Variants in EIF2B3 observed in about 807,000 individuals in gnomAD.
EIF2B3 encodes eukaryotic translation initiation factor 2B subunit gamma.
A neutral mutation model predicts 54.1 loss-of-function variants in EIF2B3; 20 were observed. That is an observed-to-expected ratio of 0.37 (90% CI 0.26 to 0.54). The LOEUF (loss-of-function observed/expected upper bound fraction) is 0.54, where lower values mean the gene tolerates loss of function less well. Ranked by LOEUF, EIF2B3 falls within the 20% of genes least tolerant of loss-of-function variation. The pLI is 0.86. For synonymous variants in EIF2B3, 153 were observed against 188.1 expected (o/e 0.81, Z 1.52); for missense variants, 448 against 547.8 (o/e 0.82, Z 1.82).
At chr1:44,871,733 G>A (rs1166631205) in intron 10 of EIF2B3, among the ~76,000 whole-genome samples, 1 of 151,996 alleles carries the variant, frequency 6.6e-6, no homozygotes, top group African/African-American at 2.4e-5. Context: ...AATGAAACAG[G>A]TTGATGTGAT....
chr1:44,934,440 T>C (rs1488060727), intron 4 of EIF2B3, among the ~76,000 whole-genome samples: 1 of 152,128 alleles, frequency 6.6e-6, no homozygotes, highest in East Asian at 1.9e-4. Context: ...TTTGAGTATG[T>C]AGGAATTTCA....
intron 5 of EIF2B3, among the ~76,000 whole-genome samples, chr1:44,922,836 ATTTTTT>A (rs386366852): frequency 1.9e-4 from 11 of 56,642 alleles, no homozygotes; most frequent in African/African-American, 3.4e-4. Flanking sequence ...TCTTTTTCAG[ATTTTTT>A]TTTTTTTTTT....
At chr1:44,912,631 G>A (rs755167579) in intron 5 of EIF2B3, among the ~76,000 whole-genome samples, 1 of 151,936 alleles carries the variant, frequency 6.6e-6, no homozygotes, top group Non-Finnish European at 1.5e-5. Context: ...TTCCATATCC[G>A]GACCAAATCA....
At chr1:44,942,417 ATTTTTTTTTTTTTTTTTT>A (rs34978668) in intron 3 of EIF2B3, among the ~76,000 whole-genome samples, 8 of 5,190 alleles carry the variant, frequency 1.5e-3, no homozygotes, top group African/African-American at 7.2e-3. Context: ...ATATATATAT[ATTTTTTTTTTTTTTTTTT>A]TTTTTTTTTC....
intron 5 of EIF2B3, among the ~76,000 whole-genome samples, chr1:44,916,597 G>A (rs1643627796): frequency 6.8e-6 from 1 of 147,898 alleles, no homozygotes. Context: ...AAGGTGGGAG[G>A]ATCACTTGAG....
At chr1:44,888,234 C>T (rs955791064) in intron 6 of EIF2B3, among the ~76,000 whole-genome samples, 2 of 151,132 alleles carry the variant, frequency 1.3e-5, no homozygotes, top group African/African-American at 4.8e-5. Flanking sequence ...TATTTTGCTA[C>T]GTCCAGAATG....
chr1:44,857,769 A>G lies in EIF2B3; in HGVS notation c.1241T>C (p.Val414Ala). 6.2e-7 allele frequency: 1 copy of G among 1,614,128 alleles called. No homozygotes were observed. The highest frequency in any genetic ancestry group is 1.1e-5 in the South Asian group (1 of 91,086). ...CTTGATGTCTGCACCCTTCTCGATC[A>G]CAGCATTGTTGCAGATGACACTGCC... Reference protein sequence around the residue: ...IQGSVICNNAVIEKGADIKDC... With the variant: ...IQGSVICNNAAIEKGADIKDC... The change falls in exon 11 of 12, where the codon GTG becomes GCG. Residue 414 changes from valine to alanine, a missense_variant. Around this residue, in one of 3 missense-constraint regions of EIF2B3, gnomAD observed 350 missense variants for 414.2 expected, o/e 0.85. Transcript: ENST00000360403.
intron 3 of EIF2B3, chr1:44,958,857 C>T (rs1644255236): frequency 1.1e-6 from 1 of 894,700 alleles, no homozygotes; most frequent in Non-Finnish European, 1.9e-6. Context: ...ATATCAGGTA[C>T]ATCAGGAACA....
rs181563285 is a variant in EIF2B3 at position 44,887,889 on chromosome 1, C to T, written c.657-6150G>A. On this transcript the variant is annotated intron_variant, in intron 6 of 11. Coordinates refer to ENST00000360403, the MANE Select transcript of EIF2B3 (RefSeq NM_020365.5). ...TTCCAGCCTGGGCGACAGAGCCAGACTCTGTCTCCCCCCAAAAAAAAAGAC... is the reference window on the plus strand; with the variant it reads ...TTCCAGCCTGGGCGACAGAGCCAGATTCTGTCTCCCCCCAAAAAAAAAGAC... Among the ~76,000 whole-genome samples the T allele has an allele frequency of 1.0e-3, 159 of 152,176 alleles. 1 individual carries two copies. Among genetic ancestry groups the T allele is most frequent in the African/African-American group, 3.5e-3 (144 of 41,530 alleles).
chr1:44,877,255 A>G (rs1248223352), intron 8 of EIF2B3, among the ~76,000 whole-genome samples: 1 of 149,944 alleles, frequency 6.7e-6, no homozygotes, highest in African/African-American at 2.5e-5. Flanking sequence ...TCAATCAGAG[A>G]TACAGGGAGT....
chr1:44,877,225 C>T (rs1260018000), intron 8 of EIF2B3, among the ~76,000 whole-genome samples: 1 of 72,146 alleles, frequency 1.4e-5, no homozygotes, highest in African/African-American at 6.6e-5. Flanking sequence ...AAAAAAAACA[C>T]CTTAGGTAGA....
intron 1 of EIF2B3, among the ~76,000 whole-genome samples, chr1:44,981,634 T>G (rs1300757970): frequency 6.6e-6 from 1 of 152,138 alleles, no homozygotes; most frequent in Non-Finnish European, 1.5e-5. Context: ...TGTGTGAATT[T>G]TTATTCTTTG....
intron 6 of EIF2B3, among the ~76,000 whole-genome samples, chr1:44,887,105 C>G (rs1429102542): frequency 2.6e-5 from 4 of 152,144 alleles, no homozygotes; most frequent in African/African-American, 4.8e-5. Flanking sequence ...GTGTTTTGAG[C>G]TGTCCAAGTT....
chr1:44,980,476 C>CAA (rs879512331), intron 2 of EIF2B3, among the ~76,000 whole-genome samples: 1 of 145,558 alleles, frequency 6.9e-6, no homozygotes, highest in Non-Finnish European at 1.5e-5. Flanking sequence ...GACTCTGTCT[C>CAA]AAAAAAAAAA....
intron 3 of EIF2B3, among the ~76,000 whole-genome samples, chr1:44,959,665 C>T (rs1644264428): frequency 6.6e-6 from 1 of 152,182 alleles, no homozygotes; most frequent in South Asian, 2.1e-4. Context: ...TTTTAAGTCT[C>T]TGAAGTTGTC....
intron 10 of EIF2B3, among the ~76,000 whole-genome samples, chr1:44,872,619 C>T (rs1655001313): frequency 6.6e-6 from 1 of 152,016 alleles, no homozygotes; most frequent in East Asian, 1.9e-4. Context: ...CACTGTACTC[C>T]AGCCTGGGCA....
At chr1:44,884,087 C>T (rs1655498592) in intron 6 of EIF2B3, among the ~76,000 whole-genome samples, 1 of 152,194 alleles carries the variant, frequency 6.6e-6, no homozygotes, top group African/African-American at 2.4e-5. Context: ...AGTCCTCCCA[C>T]CTCAGCCTCC....
At chr1:44,934,437 A>G (rs943674796) in intron 4 of EIF2B3, among the ~76,000 whole-genome samples, 1 of 152,134 alleles carries the variant, frequency 6.6e-6, no homozygotes, top group African/African-American at 2.4e-5. Flanking sequence ...AATTTTGAGT[A>G]TGTAGGAATT....
intron 11 of EIF2B3, among the ~76,000 whole-genome samples, chr1:44,852,108 A>G (rs1458616235): frequency 2.0e-5 from 3 of 146,718 alleles, no homozygotes; most frequent in South Asian, 2.2e-4. Flanking sequence ...GACGCCACAC[A>G]TGGCTAATTT....
Sources: gnomAD v4.1 joint callset for allele counts (sites outside exome capture counted in the v4.1 genomes callset) on GRCh38, gnomAD v4.1.1 for gene constraint, gnomAD v4.1.1 regional missense constraint, MANE v1.5 for transcripts, NCBI Gene and HGNC (gene_info 2026-07-23, HGNC 2026-07-21) for gene names.